The following UBE4B variants were observed in gnomAD, a reference collection of about 807,000 sequenced individuals.
UBE4B encodes ubiquitination factor E4B.
In UBE4B, 27 loss-of-function variants were observed where a neutral mutation model predicts 148.1. The observed-to-expected ratio is 0.18, with a 90% confidence interval of 0.13 to 0.25. The LOEUF is 0.25. UBE4B is among the 10% of genes least tolerant of loss of function. UBE4B has a pLI of 1.00. For missense variants in UBE4B, 1,170 were observed against 1,662.4 expected, an observed-to-expected ratio of 0.70 and a Z score of 5.15; for synonymous variants, 596 against 619.3, an observed-to-expected ratio of 0.96 and a Z score of 0.56.
rs1194429705 is a variant in UBE4B at position 10,095,470 on chromosome 1, A to G, written c.221A>G (p.His74Arg). 1.9e-6 allele frequency: 3 copies of G among 1,614,022 alleles called. No homozygotes were observed. Among genetic ancestry groups the G allele is most frequent in the Admixed American group, 1.7e-5 (1 of 59,970 alleles). ...TGTGTTTTCTGTTTAGGAGTAGCCC[A>G]TCGAAGCCAGAGCAGTGAAGGAGTC... ...TSPIGASGVA[H>R]RSQSSEGVSS... Residue 74 changes from histidine to arginine, a missense_variant, in exon 3 of 28, where the codon CAT (histidine) becomes CGT (arginine). Transcript: ENST00000343090.
intron 15 of UBE4B, among the ~76,000 whole-genome samples, 161 bp downstream of exon 15, chr1:10,132,643 C>G (rs1043828354): frequency 2.6e-5 from 4 of 152,120 alleles, no homozygotes; most frequent in East Asian, 1.9e-4. Flanking sequence ...ACAGAATAAA[C>G]AAGTAGACAT....
intron 14 of UBE4B, among the ~76,000 whole-genome samples, chr1:10,131,394 A>G (rs1480493801): frequency 1.3e-5 from 2 of 152,068 alleles, no homozygotes; most frequent in African/African-American, 4.8e-5. Context: ...CTGAGGCACA[A>G]GGATCACTTG....
intron 21 of UBE4B, among the ~76,000 whole-genome samples, chr1:10,153,670 C>T (rs1646017734): frequency 6.6e-6 from 1 of 151,768 alleles, no homozygotes. Context: ...AAGTAAAAGG[C>T]CGGGCGTGGT....
At chr1:10,052,277 G>A (rs544475718) in intron 1 of UBE4B, among the ~76,000 whole-genome samples, 1 of 151,388 alleles carries the variant, frequency 6.6e-6, no homozygotes, top group South Asian at 2.1e-4. Flanking sequence ...TCACTATGTT[G>A]CCCAGGCTGG....
rs1339758357 is a variant in UBE4B, at chr1:10,158,458, A to G, written c.3029A>G (p.His1010Arg). 5 of 1,614,164 alleles carry G rather than the reference A, an allele frequency of 3.1e-6. No homozygotes were observed. Among genetic ancestry groups the G allele is most frequent in the Admixed American group, 1.7e-5 (1 of 59,998 alleles). ...AGCCTTTGGCAAAACATAGCTCACC[A>G]TGGCACCTTTATGGAGGAGTTCAAG... ...FKSLWQNIAH[H>R]GTFMEEFNSG... The change falls in exon 22 of 28, where the codon CAT becomes CGT. Residue 1010 changes from histidine to arginine, a missense_variant. Coordinates refer to ENST00000343090, the MANE Select transcript of UBE4B (RefSeq NM_001105562.3).
intron 26 of UBE4B, 123 bp from the exon 27 acceptor site, chr1:10,179,293 C>G (rs1321627917): frequency 7.8e-7 from 1 of 1,287,724 alleles, no homozygotes; most frequent in African/African-American, 1.5e-5. Flanking sequence ...ACCTGGGGGC[C>G]TCACAGGGGC....
intron 2 of UBE4B, among the ~76,000 whole-genome samples, chr1:10,090,275 A>C (rs1644825353): frequency 6.6e-6 from 1 of 152,066 alleles, no homozygotes; most frequent in Non-Finnish European, 1.5e-5. Context: ...GCATACCATC[A>C]CGCTTGGCTC....
At chr1:10,107,098 C>T in intron 7 of UBE4B, 1 of 821,192 alleles carries the variant, frequency 1.2e-6, no homozygotes, top group Middle Eastern at 2.7e-4. Flanking sequence ...AATTATGTTT[C>T]TGCATGTCAG....
chr1:10,176,758 G>A (rs1345716627), intron 25 of UBE4B, among the ~76,000 whole-genome samples: 1 of 146,562 alleles, frequency 6.8e-6, no homozygotes, highest in Non-Finnish European at 1.5e-5. Flanking sequence ...TTGTTGTTGA[G>A]TTGGAAGAGT....
chr1:10,060,316 T>C (rs533974795), intron 1 of UBE4B, among the ~76,000 whole-genome samples: 12 of 152,314 alleles, frequency 7.9e-5, no homozygotes, highest in Admixed American at 7.2e-4. Flanking sequence ...TAGGTATTGC[T>C]CCTGGGCTAC....
intron 1 of UBE4B, among the ~76,000 whole-genome samples, chr1:10,066,735 G>A (rs575307550): frequency 1.3e-5 from 2 of 151,772 alleles, no homozygotes; most frequent in Non-Finnish European, 2.9e-5. Context: ...GTGAAACCTC[G>A]ACTCTACTAA....
In UBE4B at chr1:10,106,531, G is replaced by A. The variant is rs548707778; in HGVS notation, c.1144G>A (p.Ala382Thr). Residue 382 changes from alanine to threonine, a missense_variant, in exon 7 of 28, where the codon GCC becomes ACC. Coordinates refer to ENST00000343090, the MANE Select transcript of UBE4B (RefSeq NM_001105562.3). This position sits in a 1 kb window ranked among gnomAD's most constrained non-coding sequence, Gnocchi z 4.2. ...PSSTGPPLPP[A>T]SPSATSRRPS... The stretch of plus-strand genomic sequence containing the variant: ...CAGCACGGGTCCACCCCTACCACCC[G>A]CCTCACCCAGTGCCACGAGCAGACG... 122 of 1,603,222 alleles carry A rather than the reference G, an allele frequency of 7.6e-5. No individual in the cohort carries two copies. Among genetic ancestry groups the A allele is most frequent in the Non-Finnish European group, 9.9e-5 (116 of 1,176,906 alleles).
chr1:10,169,700 A>C (rs773843815), intron 24 of UBE4B, among the ~76,000 whole-genome samples: 2 of 152,236 alleles, frequency 1.3e-5, no homozygotes, highest in African/African-American at 4.8e-5. Context: ...TGGGAAGACT[A>C]AGCGAAAACA....
chr1:10,080,255 A>G (rs776828717), intron 2 of UBE4B, among the ~76,000 whole-genome samples: 5 of 152,160 alleles, frequency 3.3e-5, no homozygotes, highest in Admixed American at 6.6e-5. Flanking sequence ...CCCTGTCTCT[A>G]CTAAAAATAC....
intron 10 of UBE4B, among the ~76,000 whole-genome samples, chr1:10,126,368 T>C (rs562001836): frequency 1.3e-4 from 20 of 152,202 alleles, no homozygotes; most frequent in Admixed American, 1.2e-3. Flanking sequence ...GGAGGAAATA[T>C]TGGAACATTT....
rs771093729 is a variant in UBE4B, at chr1:10,161,277, G to C, written c.3189G>C (p.Gln1063His). 3 of 1,614,044 alleles carry C rather than the reference G, an allele frequency of 1.9e-6. No individual in the cohort carries two copies. Among genetic ancestry groups the C allele is most frequent in the Non-Finnish European group, 1.7e-6 (2 of 1,179,930 alleles). The change falls in exon 23 of 28, where the codon CAG (glutamine) becomes CAC (histidine). Residue 1063 changes from glutamine (Q) to histidine (H), a missense_variant. Transcript: ENST00000343090. This position sits in a 1 kb window ranked among gnomAD's most constrained non-coding sequence, Gnocchi z 4.1. ...EEMKNKEQWD[Q>H]LPRDQQQARQ... is the part of the protein sequence containing the mutation. ...TGAAGAACAAAGAACAGTGGGACCA[G>C]TTGCCCCGGGTGAGGACGTGGTCCA...
intron 1 of UBE4B, among the ~76,000 whole-genome samples, chr1:10,057,828 T>C (rs761577946): frequency 7.9e-5 from 12 of 152,136 alleles, no homozygotes; most frequent in Non-Finnish European, 1.8e-4. Context: ...ATTTTTGAGA[T>C]ATTTACTCAC....
intron 17 of UBE4B, among the ~76,000 whole-genome samples, chr1:10,144,273 G>A (rs1410418429): frequency 6.6e-6 from 1 of 152,124 alleles, no homozygotes; most frequent in Non-Finnish European, 1.5e-5. Context: ...TTTGTTTTGG[G>A]TAATTGAATA....
chr1:10,148,100 G>C (rs1212254322), intron 19 of UBE4B, among the ~76,000 whole-genome samples: 2 of 151,774 alleles, frequency 1.3e-5, no homozygotes, highest in East Asian at 3.9e-4. Flanking sequence ...TGTGGCGGGT[G>C]CCTGTAGTCC....
Sources: allele counts gnomAD v4.1 joint callset (sites outside exome capture counted in the v4.1 genomes callset), GRCh38; gene constraint gnomAD v4.1.1; non-coding constraint Gnocchi (gnomAD v3.1); transcripts MANE v1.5; gene names NCBI Gene and HGNC (gene_info 2026-07-23, HGNC 2026-07-21).